Variants in AKAP6 observed in about 807,000 individuals in gnomAD.
The protein encoded by AKAP6 is A-kinase anchor protein 6.
AKAP6 carries 58 observed loss-of-function variants against 188.5 expected under a neutral mutation model. That is an observed-to-expected ratio of 0.31 (90% CI 0.25 to 0.38). The LOEUF (loss-of-function observed/expected upper bound fraction) is 0.38, where lower values mean the gene tolerates loss of function less well. AKAP6 is among the 10% of genes least tolerant of loss of function. AKAP6 has a pLI of 1.00. For missense variants in AKAP6, 2,710 were observed against 2,740.0 expected, an observed-to-expected ratio of 0.99 and a Z score of 0.24; for synonymous variants, 989 against 998.6, an observed-to-expected ratio of 0.99 and a Z score of 0.18.
chr14:32,674,829 T>C (rs1889361183), intron 7 of AKAP6, among the ~76,000 whole-genome samples: 1 of 152,062 alleles, frequency 6.6e-6, no homozygotes, highest in South Asian at 2.1e-4. Context: ...AGAGTATAGA[T>C]AGAGAAAAGT....
At chr14:32,679,327 A>G (rs1288483769) in intron 8 of AKAP6, among the ~76,000 whole-genome samples, 1 of 152,176 alleles carries the variant, frequency 6.6e-6, no homozygotes, top group African/African-American at 2.4e-5. Context: ...ATAATTTGAT[A>G]ATAGTTATGC....
At position 32,602,493 on chromosome 14, in the gene AKAP6, T is replaced by C. The variant is rs1357024399; in HGVS notation, c.2730+1701T>C. ...CTGGGCAACAGAGAGAGATCCTGTC[T>C]CTAAAAAACAAGTCAAAAATCTTAA... On this transcript the variant is annotated intron_variant, in intron 7 of 13. Transcript: ENST00000280979. Among the ~76,000 whole-genome samples the C allele has an allele frequency of 2.0e-5, 3 of 152,108 alleles. No individual in the cohort carries two copies. In the East Asian group the frequency reaches 5.8e-4, roughly 29 times the overall value.
At position 32,577,239 on chromosome 14, in the gene AKAP6, C is replaced by T; in HGVS notation, c.2466C>T (p.His822=). Residue 822 remains histidine, a synonymous_variant, in exon 5 of 14, where the codon CAC becomes CAT. Transcript: ENST00000280979. The part of the protein sequence containing the change: ...MDDLKLYLET[H]LSFKLNVDSH... ...ACCTTAAACTGTATCTGGAGACACA[C>T]TTGGTAGGCAAGATTGTGTTGTTCT... 1 of 1,609,000 alleles carries T rather than the reference C, an allele frequency of 6.2e-7. No individual in the cohort carries two copies. Among genetic ancestry groups the T allele is most frequent in the Non-Finnish European group, 8.5e-7 (1 of 1,178,368 alleles).
chr14:32,526,268 T>G (rs1246491013), intron 2 of AKAP6, among the ~76,000 whole-genome samples: 1 of 152,114 alleles, frequency 6.6e-6, no homozygotes, highest in Non-Finnish European at 1.5e-5. Context: ...AGCCTTGCCC[T>G]GTCGCCCAGG....
At chr14:32,763,373 G>A (rs2032602509) in intron 11 of AKAP6, among the ~76,000 whole-genome samples, 1 of 152,026 alleles carries the variant, frequency 6.6e-6, no homozygotes, top group Non-Finnish European at 1.5e-5. Flanking sequence ...TCCTGCCAAG[G>A]GTTAACTAGA....
intron 13 of AKAP6, among the ~76,000 whole-genome samples, chr14:32,828,519 TCTCTCTCTCTCACA>T (rs2034734209): frequency 2.9e-5 from 1 of 34,192 alleles, no homozygotes; most frequent in African/African-American, 6.0e-5. Context: ...TCTCTCTCTC[TCTCTCTCTCTCACA>T]CACACACACA....
At chr14:32,500,039 GTC>G (rs1258180424) in intron 2 of AKAP6, among the ~76,000 whole-genome samples, 1 of 152,064 alleles carries the variant, frequency 6.6e-6, no homozygotes, top group African/African-American at 2.4e-5. Context: ...TAATTGATAT[GTC>G]TAAGAAACAC....
In AKAP6 at chr14:32,769,562, T is replaced by G. The variant is rs1002367624; in HGVS notation, c.3373-4116T>G. On this transcript the variant is annotated intron_variant, in intron 11 of 13. Coordinates refer to ENST00000280979, the MANE Select transcript of AKAP6 (RefSeq NM_004274.5). ...GGAATTGCTTCATGGGTTTTTTTTT[T>G]TTTTTTTTTTAACAGATCAGCTAAA... Among the ~76,000 whole-genome samples, 94 of 151,156 alleles carry G rather than the reference T, an allele frequency of 6.2e-4. No homozygotes were observed. The South Asian group carries it at 0.011, about 18-fold the overall frequency.
rs11620676 is a variant in AKAP6 at position 32,568,830 on chromosome 14, G to A, written c.2347-8290G>A. 0.58 allele frequency among the ~76,000 whole-genome samples: 87,575 copies of A among 152,018 alleles called. 26,119 individuals are homozygous for A. The highest frequency in any genetic ancestry group is 0.66 in the Non-Finnish European group (44,899 of 67,986). Reference sequence around the variant, plus strand: ...GTGCCTGGTGTGTAGTAAGTGCTCAGTTAATGTTAACCTATTGTTTGTTCC... The same window carrying A: ...GTGCCTGGTGTGTAGTAAGTGCTCAATTAATGTTAACCTATTGTTTGTTCC... On this transcript the variant is annotated intron_variant, in intron 4 of 13. Transcript: ENST00000280979. The surrounding 1 kb of genome is among the most constrained non-coding windows in gnomAD (Gnocchi z 6.2).
At chr14:32,789,059 G>C (rs1268908191) in intron 12 of AKAP6, among the ~76,000 whole-genome samples, 1 of 152,298 alleles carries the variant, frequency 6.6e-6, no homozygotes, top group African/African-American at 2.4e-5. Context: ...CAAACCGTAT[G>C]AACAAGGAAG....
chr14:32,377,282 C>A (rs186683253), intron 1 of AKAP6, among the ~76,000 whole-genome samples: 1 of 152,302 alleles, frequency 6.6e-6, no homozygotes, highest in Admixed American at 6.5e-5. Context: ...GCAGCAGTTC[C>A]ACTAGTTTCA....
intron 7 of AKAP6, among the ~76,000 whole-genome samples, chr14:32,657,506 A>T (rs1431535329): frequency 1.3e-5 from 2 of 152,246 alleles, no homozygotes; most frequent in East Asian, 3.9e-4. Flanking sequence ...ATTTAAACGA[A>T]AGCTCATGAG....
At chr14:32,379,048 T>C (rs1888255019) in intron 1 of AKAP6, among the ~76,000 whole-genome samples, 1 of 151,824 alleles carries the variant, frequency 6.6e-6, no homozygotes. Flanking sequence ...CCTCTGGAGT[T>C]GCTGGGATTA....
chr14:32,585,312 A>G (rs866435217), intron 5 of AKAP6, among the ~76,000 whole-genome samples: 2 of 152,358 alleles, frequency 1.3e-5, no homozygotes, highest in Non-Finnish European at 1.5e-5. Context: ...AAGATGTAGG[A>G]AAAACAATCA....
chr14:32,404,691 G>GATAGATATATATATATATAT lies in AKAP6; in HGVS notation c.-34-28766_-34-28765insGATATATATATATATATATA. The stretch of plus-strand genomic sequence containing the variant: ...AGAGTGGGGTTATGAGGAGTCAGGA[G>GATAGATATATATATATATAT]ATATATATATATATATATATTAGTC... On this transcript the variant is annotated intron_variant, in intron 1 of 13. Transcript: ENST00000280979. Among the ~76,000 whole-genome samples, 251 of 44,394 alleles carry GATAGATATATATATATATAT rather than the reference G, an allele frequency of 5.7e-3. 10 individuals carry two copies. The highest frequency in any genetic ancestry group is 0.016 in the Admixed American group (54 of 3,390). The allele number at this position is 44,394 out of a possible 152,430, so 29.1% of individuals were successfully genotyped here.
chr14:32,609,827 T>C (rs1479738689), intron 7 of AKAP6, among the ~76,000 whole-genome samples: 2 of 151,924 alleles, frequency 1.3e-5, no homozygotes, highest in East Asian at 3.9e-4. Context: ...TGCCCAAGTC[T>C]GTTTCATGGA....
chr14:32,428,131 GT>G (rs1278909946), intron 1 of AKAP6, among the ~76,000 whole-genome samples: 3 of 152,138 alleles, frequency 2.0e-5, no homozygotes, highest in African/African-American at 7.2e-5. Flanking sequence ...TGTTAACACA[GT>G]ACTATTAATT....
At chr14:32,510,749 T>A (rs973483538) in intron 2 of AKAP6, among the ~76,000 whole-genome samples, 16 of 152,120 alleles carry the variant, frequency 1.1e-4, no homozygotes, top group African/African-American at 3.9e-4. Context: ...CAAGATGGCC[T>A]CTTGGCCCTC....
chr14:32,505,040 T>C (rs982244334), intron 2 of AKAP6, among the ~76,000 whole-genome samples: 2 of 152,214 alleles, frequency 1.3e-5, no homozygotes, highest in Non-Finnish European at 2.9e-5. Flanking sequence ...CTGATATCAA[T>C]GGTGCAAGGA....
Sources: gnomAD v4.1 joint callset for allele counts (sites outside exome capture counted in the v4.1 genomes callset) on GRCh38, gnomAD v4.1.1 for gene constraint, Gnocchi (gnomAD v3.1) non-coding constraint, MANE v1.5 for transcripts, NCBI Gene and HGNC (gene_info 2026-07-23, HGNC 2026-07-21) for gene names.